The following CILP2 variants were observed in gnomAD, a reference collection of about 807,000 sequenced individuals.
The protein encoded by CILP2 is cartilage intermediate layer protein 2.
CILP2 carries 38 observed loss-of-function variants against 45.6 expected under a neutral mutation model. That is an observed-to-expected ratio of 0.83 (90% CI 0.64 to 1.09). CILP2 has a LOEUF of 1.09. Ranked by LOEUF, CILP2 falls within the 50% of genes least tolerant of loss-of-function variation. The probability of loss-of-function intolerance (pLI) is 0.00; values close to 1 mark genes in which losing one functional copy is unlikely to be tolerated. For synonymous variants in CILP2, 780 were observed against 723.5 expected, an observed-to-expected ratio of 1.08 and a Z score of -1.25; for missense variants, 1,735 against 1,662.2, an observed-to-expected ratio of 1.04 and a Z score of -0.76.
chr19:19,545,539 G>A lies in CILP2; in HGVS notation c.2994G>A (p.Met998Ile). 1 of 1,612,564 alleles carries A rather than the reference G, an allele frequency of 6.2e-7. No individual in the cohort carries two copies. Among genetic ancestry groups the A allele is most frequent in the South Asian group, 1.1e-5 (1 of 91,054 alleles). ...AACVEFKCSGMLFDQRQVDRT... is the reference protein window; with the variant it reads ...AACVEFKCSGILFDQRQVDRT... ...GCGTGGAGTTCAAGTGCAGCGGGAT[G>A]CTGTTCGACCAGCGGCAGGTGGACA... The change falls in exon 8 of 8, where the codon ATG becomes ATA. Residue 998 changes from methionine to isoleucine, a missense_variant. Coordinates refer to ENST00000291495, the MANE Select transcript of CILP2 (RefSeq NM_153221.2).
At chr19:19,538,518 G>C (rs11670761) in intron 1 of CILP2, 105 bp downstream of exon 1, 141,127 of 894,230 alleles carry the variant, frequency 0.16, 11,992 homozygotes, top group Middle Eastern at 0.25. Flanking sequence ...GGACCCACGC[G>C]CTTCCCCGGG....
At chr19:19,539,563 CAAAAAA>C in intron 1 of CILP2, 110 bp from the exon 2 acceptor site, 10 of 390,878 alleles carry the variant, frequency 2.6e-5, no homozygotes, top group South Asian at 5.7e-5. Flanking sequence ...GATTCCGTCT[CAAAAAA>C]AAAAAAAAAA....
At chr19:19,539,621 C>A in intron 1 of CILP2, 58 bp from the exon 2 acceptor site, 1 of 1,267,826 alleles carries the variant, frequency 7.9e-7, no homozygotes. Flanking sequence ...TAAAAGGAGG[C>A]TCCCAGCGGT....
At position 19,538,414 on chromosome 19, in the gene CILP2, G is replaced by A. The variant is rs1225247167; in HGVS notation, c.64+1G>A. The A allele has an allele frequency of 6.5e-7, 1 of 1,546,372 alleles. No individual in the cohort carries two copies. Among genetic ancestry groups the A allele is most frequent in the Non-Finnish European group, 8.7e-7 (1 of 1,155,408 alleles). On this transcript the variant is annotated splice_donor_variant, in intron 1 of 7. Transcript: ENST00000291495. LOFTEE classifies it high-confidence loss of function. ...GCTGCGCACCTGGCGGGGGCCCGAGGTGAGGCGCCTCCAGCCCCCGCGCCC... is the reference window on the plus strand; with the variant it reads ...GCTGCGCACCTGGCGGGGGCCCGAGATGAGGCGCCTCCAGCCCCCGCGCCC...
chr19:19,543,656 A>C (rs775360589), intron 7 of CILP2, 25 bp from the exon 8 acceptor site: 2 of 1,571,590 alleles, frequency 1.3e-6, no homozygotes, highest in Non-Finnish European at 1.7e-6. Flanking sequence ...CCCTGCCCTG[A>C]CCTGCATGTT....
At chr19:19,539,399 AC>A (rs768296031) in intron 1 of CILP2, among the ~76,000 whole-genome samples, 50 of 152,018 alleles carry the variant, frequency 3.3e-4, no homozygotes, top group Non-Finnish European at 6.8e-4. Context: ...CCCCGTCTCT[AC>A]TAAAAATATA....
At position 19,542,572 on chromosome 19, in the gene CILP2, G is replaced by A; in HGVS notation, c.790G>A (p.Asp264Asn). The part of the protein sequence containing the change: ...DSRANIRAQM[D>N]GFSAGEAQAQ... ...CCGCGCCAACATCAGGGCCCAGATG[G>A]ATGGCTTCTCTGCAGGGGAGGCCCA... The change falls in exon 5 of 8, where the codon GAT (aspartate) becomes AAT (asparagine). Residue 264 changes from aspartate to asparagine, a missense_variant. Asp to Asn is a conservative substitution (Grantham distance 23). Transcript: ENST00000291495. 1 of 1,614,104 alleles carries A rather than the reference G, an allele frequency of 6.2e-7. No homozygotes were observed. Among genetic ancestry groups the A allele is most frequent in the South Asian group, 1.1e-5 (1 of 91,076 alleles).
rs2144681147 is a variant in CILP2 at position 19,546,064 on chromosome 19, C to A, written c.*48C>A. On this transcript the variant is annotated 3_prime_UTR_variant, in exon 8 of 8. Coordinates refer to ENST00000291495, the MANE Select transcript of CILP2 (RefSeq NM_153221.2). ...CCACCTCCCTCCAGACTCCTTTGAC[C>A]CCAGGAAGTTTTGCCCCTCCTTCTT... The A allele has an allele frequency of 2.9e-6, 4 of 1,371,568 alleles. No individual in the cohort carries two copies. Among genetic ancestry groups the A allele is most frequent in the East Asian group, 5.3e-5 (2 of 37,452 alleles). 85.0% of individuals were successfully genotyped at this position (1,371,568 alleles called of 1,614,324 possible).
Position 19,541,232 on chromosome 19 carries a change from G to A in CILP2, c.578G>A (p.Arg193Gln). ...CCTCTGGAGGCGCAGAAGTGCGTGC[G>A]GCCTCGGTGTCCAGGTAGGAGGGGC... is the stretch of plus-strand genomic sequence containing the variant. ...GRPLEAQKCV[R>Q]PRCPGCSLDT... is the part of the protein sequence containing the mutation. The change falls in exon 4 of 8, where the codon CGG (arginine) becomes CAG (glutamine). Residue 193 changes from arginine to glutamine, a missense_variant. Transcript: ENST00000291495. 1 of 1,286,822 alleles carries A rather than the reference G, an allele frequency of 7.8e-7. No individual in the cohort carries two copies. Among genetic ancestry groups the A allele is most frequent in the African/African-American group, 1.5e-5 (1 of 66,148 alleles). The allele number at this position is 1,286,822 out of a possible 1,614,324, so 79.7% of individuals were successfully genotyped here. A position where few individuals can be genotyped will look rare whatever the true frequency, so the allele number is the denominator to read the frequency against.
chr19:19,545,041 G>T lies in CILP2; in HGVS notation c.2496G>T (p.Val832=). ...PSLPRPLPAT[V]GVTQPYLDRL... ...TGCCCCGCCCACTCCCGGCCACCGT[G>T]GGCGTCACCCAGCCCTACCTGGACA... The change falls in exon 8 of 8, where the codon GTG becomes GTT. Residue 832 remains valine, a synonymous_variant. Coordinates refer to ENST00000291495, the MANE Select transcript of CILP2 (RefSeq NM_153221.2). 6.2e-7 allele frequency: 1 copy of T among 1,608,164 alleles called. No homozygotes were observed.
Position 19,544,050 on chromosome 19 carries a change from TCAC to T in CILP2, c.1507_1509del (p.Thr503del). 6.2e-7 allele frequency: 1 copy of T among 1,613,892 alleles called. No homozygotes were observed. Among genetic ancestry groups the T allele is most frequent in the Non-Finnish European group, 8.5e-7 (1 of 1,179,950 alleles). On this transcript the variant is annotated inframe_deletion, in exon 8 of 8. Transcript: ENST00000291495. Reference sequence around the variant, plus strand: ...CTGCTGGGCCAGGAGCCCATCGGCTTCACCGCCTACCAGGGCGACTTTACCATT... The same window carrying T: ...CTGCTGGGCCAGGAGCCCATCGGCTTCGCCTACCAGGGCGACTTTACCATT...
Position 19,544,603 on chromosome 19 carries a change from C to T in CILP2, c.2058C>T (p.Pro686=), listed in dbSNP as rs754141035. The T allele has an allele frequency of 1.1e-5, 17 of 1,578,002 alleles. No homozygotes were observed. The South Asian group carries it at 1.8e-4, about 17-fold the overall frequency. ...CCCTCAAGCTGTGGTCGCTGAACCC[C>T]GAGACCGGCTTGTGGGAGGAGGAGA... is the stretch of plus-strand genomic sequence containing the variant. ...VEALKLWSLN[P]ETGLWEEESG... The change falls in exon 8 of 8, where the codon CCC becomes CCT. Residue 686 remains proline (P), a synonymous_variant. Coordinates refer to ENST00000291495, the MANE Select transcript of CILP2 (RefSeq NM_153221.2).
chr19:19,539,091 G>T (rs372173533), intron 1 of CILP2, among the ~76,000 whole-genome samples: 3 of 152,180 alleles, frequency 2.0e-5, no homozygotes, highest in Non-Finnish European at 4.4e-5. Context: ...TAGCCTAGGG[G>T]AACTGGGTGG....
At chr19:19,542,802 G>C in intron 5 of CILP2, 62 bp from the exon 6 acceptor site, 2 of 1,552,540 alleles carry the variant, frequency 1.3e-6, no homozygotes, top group Non-Finnish European at 8.9e-7. Context: ...GAGAGGATGG[G>C]GACGTTGCTC....
chr19:19,540,542 A>G, intron 3 of CILP2, 66 bp downstream of exon 3: 1 of 252,568 alleles, frequency 4.0e-6, no homozygotes, highest in Non-Finnish European at 5.5e-6. Flanking sequence ...CGCCGGGAAG[A>G]GTCGTGGTGG....
In CILP2 at chr19:19,545,545, C is replaced by G. The variant is rs1418099231; in HGVS notation, c.3000C>G (p.Phe1000Leu). The G allele has an allele frequency of 4.3e-6, 7 of 1,612,384 alleles. No individual in the cohort carries two copies. The highest frequency in any genetic ancestry group is 1.7e-4 in the Middle Eastern group (1 of 6,058). Residue 1000 changes from phenylalanine (F) to leucine (L), a missense_variant, in exon 8 of 8, where the codon TTC becomes TTG. By Grantham distance (22) the Phe-to-Leu change is conservative (BLOSUM62 0). Coordinates refer to ENST00000291495, the MANE Select transcript of CILP2 (RefSeq NM_153221.2). ...AGTTCAAGTGCAGCGGGATGCTGTTCGACCAGCGGCAGGTGGACAGGACGC... is the reference window on the plus strand; with the variant it reads ...AGTTCAAGTGCAGCGGGATGCTGTTGGACCAGCGGCAGGTGGACAGGACGC... ...CVEFKCSGML[F>L]DQRQVDRTLV...
At position 19,543,849 on chromosome 19, in the gene CILP2, C is replaced by G; in HGVS notation, c.1304C>G (p.Ser435Cys). 1 of 1,613,864 alleles carries G rather than the reference C, an allele frequency of 6.2e-7. No homozygotes were observed. Among genetic ancestry groups the G allele is most frequent in the Non-Finnish European group, 8.5e-7 (1 of 1,179,876 alleles). Residue 435 changes from serine (S) to cysteine (C), a missense_variant, in exon 8 of 8, where the codon TCC (serine) becomes TGC (cysteine). By Grantham distance (112) the Ser-to-Cys change is moderately radical (BLOSUM62 -1). Coordinates refer to ENST00000291495, the MANE Select transcript of CILP2 (RefSeq NM_153221.2). Reference sequence around the variant, plus strand: ...AGCCCCCGCTGCGGGGACGCCAGCTCCCGCTGCTGCTCTGTGCGCCGTCTG... The same window carrying G: ...AGCCCCCGCTGCGGGGACGCCAGCTGCCGCTGCTGCTCTGTGCGCCGTCTG... ...GSSPRCGDAS[S>C]RCCSVRRLER...
chr19:19,542,981 C>G lies in CILP2; in HGVS notation c.977+9C>G. On this transcript the variant is annotated intron_variant, in intron 6 of 7. Transcript: ENST00000291495. ...CCCAAGAAATACTCCTGGTGAGCGC[C>G]CGCCCCGGGCTCAGGGGCATCTTCT... 1 of 1,561,640 alleles carries G rather than the reference C, an allele frequency of 6.4e-7. No individual in the cohort carries two copies. The highest frequency in any genetic ancestry group is 1.1e-5 in the South Asian group (1 of 89,654).
In CILP2 at chr19:19,545,066, A is replaced by G. The variant is rs140396433; in HGVS notation, c.2521A>G (p.Arg841Gly). Residue 841 changes from arginine (R) to glycine (G), a missense_variant, in exon 8 of 8, where the codon AGG becomes GGG. Transcript: ENST00000291495. Reference protein sequence around the residue: ...TVGVTQPYLDRLGYRRTDHDD... With the variant: ...TVGVTQPYLDGLGYRRTDHDD... ...GGGCGTCACCCAGCCCTACCTGGACAGGCTGGGGTACCGTCGGACGGACCA... is the reference window on the plus strand; with the variant it reads ...GGGCGTCACCCAGCCCTACCTGGACGGGCTGGGGTACCGTCGGACGGACCA... 5.6e-6 allele frequency: 9 copies of G among 1,609,246 alleles called. No individual in the cohort carries two copies. The highest frequency in any genetic ancestry group is 7.6e-6 in the Non-Finnish European group (9 of 1,178,540).
Sources: allele counts gnomAD v4.1 joint callset (sites outside exome capture counted in the v4.1 genomes callset), GRCh38; gene constraint gnomAD v4.1.1; transcripts MANE v1.5; gene names NCBI Gene and HGNC (gene_info 2026-07-23, HGNC 2026-07-21).